OSBPL6: variants seen among roughly 807,000 people sequenced by gnomAD.
OSBPL6 encodes oxysterol-binding protein-related protein 6.
A neutral mutation model predicts 125.8 loss-of-function variants in OSBPL6; 49 were observed. The observed-to-expected ratio is 0.39, with a 90% CI of 0.31 to 0.49. The LOEUF is 0.49. Ranked by LOEUF, OSBPL6 falls within the 20% of genes least tolerant of loss-of-function variation. OSBPL6 has a pLI of 0.88. For missense variants in OSBPL6, 986 were observed against 1,135.4 expected, an observed-to-expected ratio of 0.87 and a Z score of 1.89; for synonymous variants, 394 against 391.8, an observed-to-expected ratio of 1.01 and a Z score of -0.07.
At chr2:178,239,826 A>C (rs1476232907) in intron 1 of OSBPL6, among the ~76,000 whole-genome samples, 1 of 151,198 alleles carries the variant, frequency 6.6e-6, no homozygotes, top group Non-Finnish European at 1.5e-5. Context: ...ATGGGGTTTC[A>C]CTGTGTTAGT....
intron 2 of OSBPL6, among the ~76,000 whole-genome samples, chr2:178,291,936 T>A (rs1392739882): frequency 6.6e-6 from 1 of 152,096 alleles, no homozygotes; most frequent in Non-Finnish European, 1.5e-5. Flanking sequence ...CCTTTTGTCT[T>A]TTAAACTTTC....
At chr2:178,229,668 G>A (rs770147813) in intron 1 of OSBPL6, among the ~76,000 whole-genome samples, 4 of 151,974 alleles carry the variant, frequency 2.6e-5, no homozygotes, top group Non-Finnish European at 5.9e-5. Context: ...CATCTCTACC[G>A]AACACATAAA....
intron 12 of OSBPL6, among the ~76,000 whole-genome samples, chr2:178,360,755 A>T (rs1692280020): frequency 6.6e-6 from 1 of 152,226 alleles, no homozygotes; most frequent in Admixed American, 6.5e-5. Context: ...TAATCCAGCT[A>T]TCAAGTTATT....
At chr2:178,279,644 G>C (rs533594346) in intron 1 of OSBPL6, among the ~76,000 whole-genome samples, 1 of 152,302 alleles carries the variant, frequency 6.6e-6, no homozygotes, top group African/African-American at 2.4e-5. Context: ...GTACGAAAAC[G>C]CATGTGTGTG....
At chr2:178,239,683 T>C (rs2091209194) in intron 1 of OSBPL6, among the ~76,000 whole-genome samples, 1 of 151,678 alleles carries the variant, frequency 6.6e-6, no homozygotes, top group Admixed American at 6.6e-5. Flanking sequence ...TGGAGTGCAG[T>C]GGTGTGATCT....
intron 3 of OSBPL6, among the ~76,000 whole-genome samples, chr2:178,314,995 T>C (rs1040403203): frequency 3.9e-5 from 6 of 152,188 alleles, no homozygotes; most frequent in East Asian, 1.9e-4. Context: ...TGAGCAATAA[T>C]AGTAATTTTT....
At chr2:178,333,153 C>A in intron 8 of OSBPL6, 112 bp downstream of exon 8, 2 of 1,139,734 alleles carry the variant, frequency 1.8e-6, no homozygotes, top group Non-Finnish European at 1.3e-6. Flanking sequence ...GAGGCCAAGG[C>A]GGGTGGATCG....
chr2:178,228,564 T>C (rs772372308), intron 1 of OSBPL6, among the ~76,000 whole-genome samples: 3 of 152,156 alleles, frequency 2.0e-5, no homozygotes, highest in African/African-American at 7.2e-5. Context: ...TTAAGCCACA[T>C]ATATCATAAT....
At chr2:178,385,172 C>T (rs112544919) in intron 18 of OSBPL6, among the ~76,000 whole-genome samples, 1,785 of 151,924 alleles carry the variant, frequency 0.012, 25 homozygotes, top group African/African-American at 0.035. Flanking sequence ...CACCATGGCA[C>T]GTGTATACCT....
chr2:178,204,027 T>TTC (rs1479227621), intron 1 of OSBPL6, among the ~76,000 whole-genome samples: 1 of 145,720 alleles, frequency 6.9e-6, no homozygotes, highest in Admixed American at 6.8e-5. Flanking sequence ...TTCTTTTTCT[T>TTC]TTTTTTTTTT....
At chr2:178,262,839 C>T (rs905850007) in intron 1 of OSBPL6, among the ~76,000 whole-genome samples, 1 of 152,126 alleles carries the variant, frequency 6.6e-6, no homozygotes, top group Non-Finnish European at 1.5e-5. Context: ...ATATATAGAT[C>T]TCCTTCACTT....
At chr2:178,201,918 A>G (rs2089281319) in intron 1 of OSBPL6, among the ~76,000 whole-genome samples, 1 of 152,236 alleles carries the variant, frequency 6.6e-6, no homozygotes, top group African/African-American at 2.4e-5. Flanking sequence ...ATATGATGTC[A>G]GCTTTAAGAT....
rs958431412 is a variant in OSBPL6 at position 178,396,496 on chromosome 2, C to T, written c.*937C>T. The T allele has an allele frequency of 6.6e-6, 1 of 152,130 alleles. No homozygotes were observed. The highest frequency in any genetic ancestry group is 1.5e-5 in the Non-Finnish European group (1 of 68,024). 9.4% of individuals were successfully genotyped at this position (152,130 alleles called of 1,614,324 possible). ...GTGTTAAAACCTTAAAAGGAAATAACAAAAAGCATATGGAATTCCTGTGTG... is the reference window on the plus strand; with the variant it reads ...GTGTTAAAACCTTAAAAGGAAATAATAAAAAGCATATGGAATTCCTGTGTG... On this transcript the variant is annotated 3_prime_UTR_variant, in exon 25 of 25. Coordinates refer to ENST00000190611, the MANE Select transcript of OSBPL6 (RefSeq NM_032523.4).
chr2:178,268,074 A>G (rs2092289512), intron 1 of OSBPL6, among the ~76,000 whole-genome samples: 1 of 145,386 alleles, frequency 6.9e-6, no homozygotes, highest in Non-Finnish European at 1.5e-5. Context: ...CTTTTAGATT[A>G]TTTAAATTTT....
chr2:178,328,131 G>T, intron 4 of OSBPL6, 125 bp from the exon 5 acceptor site: 6 of 1,260,870 alleles, frequency 4.8e-6, no homozygotes, highest in Non-Finnish European at 6.6e-6. Context: ...GCTCCGGAAT[G>T]TTGTTCATCC....
intron 2 of OSBPL6, among the ~76,000 whole-genome samples, chr2:178,299,777 A>T (rs1338111482): frequency 6.6e-6 from 1 of 152,242 alleles, no homozygotes; most frequent in Non-Finnish European, 1.5e-5. Context: ...AGAGCTAAAC[A>T]AAGTAAAAGA....
At chr2:178,261,315 C>T (rs111928829) in intron 1 of OSBPL6, among the ~76,000 whole-genome samples, 47 of 150,340 alleles carry the variant, frequency 3.1e-4, no homozygotes, top group African/African-American at 1.0e-3. Flanking sequence ...GTGGTGGTCA[C>T]GTAGTTGTAT....
At chr2:178,336,747 C>T (rs1250370258) in intron 9 of OSBPL6, among the ~76,000 whole-genome samples, 10 of 152,102 alleles carry the variant, frequency 6.6e-5, no homozygotes, top group Admixed American at 3.9e-4. Context: ...TTCTTTAGCT[C>T]CTGGATCCTG....
At chr2:178,386,608 T>C (rs1382859064) in intron 19 of OSBPL6, among the ~76,000 whole-genome samples, 2 of 152,206 alleles carry the variant, frequency 1.3e-5, no homozygotes, top group African/African-American at 4.8e-5. Flanking sequence ...ATGCTTGATA[T>C]ATTTGTTAAC....
Sources: allele counts gnomAD v4.1 joint callset (sites outside exome capture counted in the v4.1 genomes callset), GRCh38; gene constraint gnomAD v4.1.1; transcripts MANE v1.5; gene names NCBI Gene and HGNC (gene_info 2026-07-23, HGNC 2026-07-21).